The following NEDD1 variants were observed in gnomAD, a reference collection of about 807,000 sequenced individuals.
NEDD1 encodes the protein protein NEDD1.
Under a neutral mutation model 74.0 loss-of-function variants are expected in NEDD1, and 33 were observed. The observed-to-expected ratio is 0.45, with a 90% CI of 0.34 to 0.60. The LOEUF is 0.60. NEDD1 is among the 20% of genes least tolerant of loss of function. The pLI, the probability that NEDD1 is intolerant of heterozygous loss-of-function variation, is 0.01. For missense variants in NEDD1, 746 were observed against 776.5 expected (o/e 0.96, Z 0.47); for synonymous variants, 250 against 264.4 (o/e 0.95, Z 0.53).
At chr12:96,921,004 T>A (rs950955846) in intron 6 of NEDD1, among the ~76,000 whole-genome samples, 7 of 152,186 alleles carry the variant, frequency 4.6e-5, no homozygotes, top group African/African-American at 1.7e-4. Context: ...AACAGTCTTA[T>A]GGTGATTCAG....
chr12:96,944,442 T>A (rs968201466), intron 12 of NEDD1, among the ~76,000 whole-genome samples, 197 bp from the exon 13 acceptor site: 5 of 151,942 alleles, frequency 3.3e-5, no homozygotes, highest in African/African-American at 1.2e-4. Context: ...ATTGTTGAGA[T>A]TGTTTTTGAT....
intron 14 of NEDD1, 73 bp from the exon 15 acceptor site, chr12:96,951,359 T>C (rs976267553): frequency 1.1e-5 from 9 of 795,182 alleles, no homozygotes; most frequent in Non-Finnish European, 1.9e-5. Context: ...TGAAAAAGTT[T>C]AGTGAGTTTC....
Position 96,940,441 on chromosome 12 carries a change from TCTAAGG to T in NEDD1, c.1151_1156del (p.Ser384_Glu386delinsTer). On this transcript the variant is annotated stop_gained and inframe_deletion, in exon 10 of 16. Transcript: ENST00000266742. LOFTEE classifies it high-confidence loss of function. ...TCGAAGCATAAACACAGACACTTTA[TCTAAGG>T]AAACAGACAGTGGAAAAAATCAGGA... 1 of 1,601,848 alleles carries T rather than the reference TCTAAGG, an allele frequency of 6.2e-7. No individual in the cohort carries two copies. The highest frequency in any genetic ancestry group is 1.1e-5 in the South Asian group (1 of 90,258).
intron 7 of NEDD1, among the ~76,000 whole-genome samples, 160 bp downstream of exon 7, chr12:96,935,365 A>G (rs570879965): frequency 2.0e-5 from 3 of 152,324 alleles, no homozygotes; most frequent in African/African-American, 7.2e-5. Context: ...CTTATGCAGA[A>G]AGAAATAGAT....
rs1416071374 is a variant in NEDD1, at chr12:96,934,434, A to G, written c.490-542A>G. Among the ~76,000 whole-genome samples, 4 of 151,782 alleles carry G rather than the reference A, an allele frequency of 2.6e-5. No individual in the cohort carries two copies. In the East Asian group the frequency reaches 7.7e-4, roughly 29 times the overall value. On this transcript the variant is annotated intron_variant, in intron 6 of 15. Transcript: ENST00000266742. Reference sequence around the variant, plus strand: ...GTTTCAGGTATTGGTATGTCATCTTATGGTCCACTGAATGACACCGTGGTT... The same window carrying G: ...GTTTCAGGTATTGGTATGTCATCTTGTGGTCCACTGAATGACACCGTGGTT...
At chr12:96,916,670 G>C (rs989887889) in intron 4 of NEDD1, among the ~76,000 whole-genome samples, 1 of 150,754 alleles carries the variant, frequency 6.6e-6, no homozygotes, top group African/African-American at 2.4e-5. Context: ...GGACATTTGG[G>C]TTGGTTCCAA....
chr12:96,935,905 G>GT lies in NEDD1; in HGVS notation c.719+701dup, dbSNP rs144139862. On this transcript the variant is annotated intron_variant, in intron 7 of 15. Transcript: ENST00000266742. ...TACCACTGTCTGTAGATCATGTGGA[G>GT]TATGAATGTTACTACAAGGGAAGGT... Among the ~76,000 whole-genome samples, 804 of 152,318 alleles carry GT rather than the reference G, an allele frequency of 5.3e-3. 12 individuals carry two copies. The highest frequency in any genetic ancestry group is 0.018 in the African/African-American group (750 of 41,566).
intron 12 of NEDD1, among the ~76,000 whole-genome samples, 157 bp downstream of exon 12, chr12:96,943,919 G>A (rs140554986): frequency 1.3e-5 from 2 of 151,970 alleles, no homozygotes; most frequent in African/African-American, 4.8e-5. Context: ...TTGAAATCTC[G>A]CTTTGGATAT....
At chr12:96,944,344 T>C (rs1428961266) in intron 12 of NEDD1, among the ~76,000 whole-genome samples, 3 of 152,008 alleles carry the variant, frequency 2.0e-5, no homozygotes, top group Non-Finnish European at 4.4e-5. Flanking sequence ...ACCACATGCA[T>C]GGTGTTTTTG....
At chr12:96,951,856 TGAGA>T (rs1878734474) in intron 15 of NEDD1, 89 bp from the exon 16 acceptor site, 2 of 686,394 alleles carry the variant, frequency 2.9e-6, no homozygotes, top group Non-Finnish European at 5.1e-6. Flanking sequence ...TAATTGAACA[TGAGA>T]GAAATGATAG....
intron 6 of NEDD1, among the ~76,000 whole-genome samples, chr12:96,932,048 G>A (rs1232004102): frequency 6.6e-6 from 1 of 151,894 alleles, no homozygotes; most frequent in Admixed American, 6.6e-5. Flanking sequence ...TTCTAAATAA[G>A]TTTTTGAAAC....
chr12:96,936,292 A>C (rs1877079949), intron 7 of NEDD1, among the ~76,000 whole-genome samples: 1 of 152,204 alleles, frequency 6.6e-6, no homozygotes, highest in Non-Finnish European at 1.5e-5. Context: ...TTTGTGGCGT[A>C]ATAGACAGTT....
chr12:96,927,561 G>A (rs1345897355), intron 6 of NEDD1, among the ~76,000 whole-genome samples: 1 of 152,164 alleles, frequency 6.6e-6, no homozygotes, highest in Non-Finnish European at 1.5e-5. Context: ...AATTACAAAT[G>A]TCAATCTATT....
At chr12:96,913,291 C>T (rs544476705) in intron 4 of NEDD1, among the ~76,000 whole-genome samples, 170 of 152,286 alleles carry the variant, frequency 1.1e-3, no homozygotes, top group African/African-American at 3.9e-3. Flanking sequence ...CCCATACTCT[C>T]CTTAAACAGG....
rs755181799 is a variant in NEDD1, at chr12:96,953,537, C to T, written c.*1484C>T. The stretch of plus-strand genomic sequence containing the variant: ...GTGTATTTAAATCTATTAATATTTT[C>T]CTGTTGCTTTTTTAAAAAAATAAAT... On this transcript the variant is annotated 3_prime_UTR_variant, in exon 16 of 16. Transcript: ENST00000266742. The T allele has an allele frequency of 6.6e-5, 10 of 151,358 alleles. No individual in the cohort carries two copies. Among genetic ancestry groups the T allele is most frequent in the Non-Finnish European group, 1.3e-4 (9 of 67,688 alleles). The allele number at this position is 151,358 out of a possible 1,614,324, so 9.4% of individuals were successfully genotyped here.
At chr12:96,936,551 TA>T in intron 7 of NEDD1, 59 bp from the exon 8 acceptor site, 1 of 1,168,166 alleles carries the variant, frequency 8.6e-7, no homozygotes, top group Non-Finnish European at 1.3e-6. Flanking sequence ...GTTACTTATA[TA>T]AGCTAATATA....
Position 96,909,792 on chromosome 12 carries a change from A to G in NEDD1, c.33A>G (p.Gly11=). The change falls in exon 3 of 16, where the codon GGA becomes GGG. Residue 11 remains glycine, a synonymous_variant. Transcript: ENST00000266742. ...AAAACCTCAGATTTGCTTCATCAGGAGATGATATTAAAATATGGGATGCTT... is the reference window on the plus strand; with the variant it reads ...AAAACCTCAGATTTGCTTCATCAGGGGATGATATTAAAATATGGGATGCTT... MQENLRFASS[G]DDIKIWDASS... The G allele has an allele frequency of 1.9e-6, 3 of 1,613,328 alleles. No individual in the cohort carries two copies. Among genetic ancestry groups the G allele is most frequent in the Non-Finnish European group, 8.5e-7 (1 of 1,179,308 alleles).
intron 6 of NEDD1, among the ~76,000 whole-genome samples, chr12:96,928,776 T>C (rs144147794): frequency 3.5e-5 from 5 of 142,574 alleles, no homozygotes; most frequent in African/African-American, 1.3e-4. Flanking sequence ...AAGCTCCGCC[T>C]CCTGGGTTCA....
At chr12:96,922,466 T>TA (rs1255291337) in intron 6 of NEDD1, among the ~76,000 whole-genome samples, 1 of 152,190 alleles carries the variant, frequency 6.6e-6, no homozygotes, top group East Asian at 1.9e-4. Flanking sequence ...TTCAATACCA[T>TA]AAAAATTAGA....
Sources: gnomAD v4.1 joint callset for allele counts (sites outside exome capture counted in the v4.1 genomes callset) on GRCh38, gnomAD v4.1.1 for gene constraint, MANE v1.5 for transcripts, NCBI Gene and HGNC (gene_info 2026-07-23, HGNC 2026-07-21) for gene names.